Variants in SAFB observed in about 807,000 individuals in gnomAD.
The protein encoded by SAFB is scaffold attachment factor B1.
Under a neutral mutation model 101.6 loss-of-function variants are expected in SAFB, and 15 were observed. The observed-to-expected ratio is 0.15, with a 90% CI of 0.10 to 0.23. SAFB has a LOEUF of 0.23. Ranked by LOEUF, SAFB falls within the 10% of genes least tolerant of loss-of-function variation. The probability of loss-of-function intolerance (pLI) is 1.00; values close to 1 mark genes in which losing one functional copy is unlikely to be tolerated. For synonymous variants in SAFB, 449 were observed against 407.5 expected (o/e 1.10, Z -1.23); for missense variants, 930 against 1,104.1 (o/e 0.84, Z 2.23).
At chr19:5,653,996 C>T in intron 11 of SAFB, 65 bp from the exon 12 acceptor site, 2 of 1,520,778 alleles carry the variant, frequency 1.3e-6, no homozygotes, top group South Asian at 1.1e-5. Context: ...CCGCCTCATC[C>T]CCCCAAAGTG....
chr19:5,623,166 G>A lies in SAFB; in HGVS notation c.-40G>A, dbSNP rs1392249849. 24 of 1,547,736 alleles carry A rather than the reference G, an allele frequency of 1.6e-5. No individual in the cohort carries two copies. The South Asian group carries it at 2.6e-4, about 17-fold the overall frequency. ...GCTAGGAGCCTGATAAAACCGGCCC[G>A]GTTCTGTGGAAAGTGGGCGGCGGAG... On this transcript the variant is annotated 5_prime_UTR_variant, in exon 1 of 21. Transcript: ENST00000588852.
In SAFB at chr19:5,625,734, C is replaced by T. The variant is rs547637076; in HGVS notation, c.190-671C>T. Among the ~76,000 whole-genome samples the T allele has an allele frequency of 3.5e-4, 53 of 152,192 alleles. No individual in the cohort carries two copies. The East Asian group carries it at 8.7e-3, about 25-fold the overall frequency. ...CAGAGTCCTGGGGTGGGAGGCTGGG[C>T]GTGCCAAGAAATTCTTATAATTCAA... On this transcript the variant is annotated intron_variant, in intron 1 of 20. Coordinates refer to ENST00000588852, the MANE Select transcript of SAFB (RefSeq NM_001201338.2).
chr19:5,623,483 C>T, intron 1 of SAFB, 89 bp downstream of exon 1: 5 of 1,163,796 alleles, frequency 4.3e-6, no homozygotes, highest in Non-Finnish European at 5.9e-6. Flanking sequence ...CGTCCGCCCC[C>T]GGCCGCGTTC....
intron 2 of SAFB, among the ~76,000 whole-genome samples, chr19:5,633,958 C>T (rs891528903): frequency 1.3e-5 from 2 of 152,136 alleles, no homozygotes; most frequent in Admixed American, 6.5e-5. Flanking sequence ...AGAAAGGTGA[C>T]AAAGCCCTCA....
intron 1 of SAFB, among the ~76,000 whole-genome samples, chr19:5,624,260 C>T (rs1160056832): frequency 3.4e-5 from 5 of 149,230 alleles, no homozygotes. Context: ...AGCAAAAAAG[C>T]AATAGGACTT....
rs138715570 is a variant in SAFB, at chr19:5,625,057, G to A, written c.190-1348G>A. 1.2e-4 allele frequency among the ~76,000 whole-genome samples: 18 copies of A among 152,280 alleles called. No homozygotes were observed. The East Asian group carries it at 3.3e-3, about 28-fold the overall frequency. ...ACTCGCTGTCATCTCTGAGAGCACA[G>A]ATTTGTTCCTTCTTCCTTCTCCTTT... On this transcript the variant is annotated intron_variant, in intron 1 of 20. Coordinates refer to ENST00000588852, the MANE Select transcript of SAFB (RefSeq NM_001201338.2).
chr19:5,638,156 G>A (rs1222936296), intron 2 of SAFB, among the ~76,000 whole-genome samples: 1 of 152,152 alleles, frequency 6.6e-6, no homozygotes, highest in African/African-American at 2.4e-5. Flanking sequence ...TGTTGCAAAT[G>A]TTATAAATCA....
At chr19:5,666,964 G>C in intron 17 of SAFB, 82 bp from the exon 18 acceptor site, 1 of 858,346 alleles carries the variant, frequency 1.2e-6, no homozygotes, top group Middle Eastern at 3.0e-4. Flanking sequence ...CGTTGTCATC[G>C]TTAGCATGTT....
intron 15 of SAFB, among the ~76,000 whole-genome samples, chr19:5,662,643 C>CT (rs564198873): frequency 0.045 from 6,318 of 139,056 alleles, 257 homozygotes; most frequent in African/African-American, 0.1. Context: ...AGGCCCTTTC[C>CT]TTTTTTTTTT....
intron 5 of SAFB, among the ~76,000 whole-genome samples, chr19:5,645,844 G>A (rs954584978): frequency 6.6e-6 from 1 of 152,124 alleles, no homozygotes; most frequent in Non-Finnish European, 1.5e-5. Context: ...GGTCTCAGGG[G>A]TTCTGGTCTT....
At chr19:5,661,171 T>C (rs904474150) in intron 14 of SAFB, among the ~76,000 whole-genome samples, 2 of 152,052 alleles carry the variant, frequency 1.3e-5, no homozygotes, top group Non-Finnish European at 2.9e-5. Context: ...TCCACCCACC[T>C]CAGCCTCCCA....
intron 2 of SAFB, among the ~76,000 whole-genome samples, chr19:5,633,581 CA>C (rs1194504464): frequency 6.6e-6 from 1 of 152,086 alleles, no homozygotes; most frequent in Non-Finnish European, 1.5e-5. Flanking sequence ...AGATCGAGAC[CA>C]TCCTGGCTAA....
At chr19:5,660,528 T>A (rs2054173617) in intron 14 of SAFB, among the ~76,000 whole-genome samples, 1 of 150,704 alleles carries the variant, frequency 6.6e-6, no homozygotes. Context: ...GGAGACGGGG[T>A]CTCACTATAT....
chr19:5,660,992 A>G (rs2054188315), intron 14 of SAFB, among the ~76,000 whole-genome samples: 1 of 121,662 alleles, frequency 8.2e-6, no homozygotes, highest in Non-Finnish European at 1.6e-5. Flanking sequence ...GCAGTGGCTC[A>G]CTGCAACCTC....
chr19:5,654,308 G>C, intron 12 of SAFB, 60 bp from the exon 13 acceptor site: 1 of 1,590,184 alleles, frequency 6.3e-7, no homozygotes, highest in South Asian at 1.1e-5. Flanking sequence ...TGTTGCAGAG[G>C]GTTTTTCTCA....
intron 2 of SAFB, among the ~76,000 whole-genome samples, chr19:5,641,169 CCTT>C (rs2053704555): frequency 6.6e-6 from 1 of 152,132 alleles, no homozygotes. Flanking sequence ...CGCATCCGGC[CCTT>C]CTTTTTTCTT....
chr19:5,648,451 ATT>A (rs1398669247), intron 6 of SAFB: 229 of 281,742 alleles, frequency 8.1e-4, no homozygotes, highest in Middle Eastern at 5.0e-3. Flanking sequence ...AGGGAGATAC[ATT>A]TTAAAACATA....
rs2054385909 is a variant in SAFB at position 5,668,344 on chromosome 19, G to A, written c.*53G>A. Reference sequence around the variant, plus strand: ...TGGCAACAAGGCTATGTTCTGTTAGGAGTTACCTTAAACTGTGTAAAAATA... The same window carrying A: ...TGGCAACAAGGCTATGTTCTGTTAGAAGTTACCTTAAACTGTGTAAAAATA... On this transcript the variant is annotated 3_prime_UTR_variant, in exon 21 of 21. Transcript: ENST00000588852. 5 of 1,584,090 alleles carry A rather than the reference G, an allele frequency of 3.2e-6. No individual in the cohort carries two copies. The highest frequency in any genetic ancestry group is 4.3e-6 in the Non-Finnish European group (5 of 1,169,828).
intron 12 of SAFB, 30 bp from the exon 13 acceptor site, chr19:5,654,338 C>G (rs1224439482): frequency 6.3e-7 from 1 of 1,598,994 alleles, no homozygotes; most frequent in Non-Finnish European, 8.6e-7. Flanking sequence ...TCTTGGTTTT[C>G]CACTTACACT....
Sources: allele counts gnomAD v4.1 joint callset (sites outside exome capture counted in the v4.1 genomes callset), GRCh38; gene constraint gnomAD v4.1.1; transcripts MANE v1.5; gene names NCBI Gene and HGNC (gene_info 2026-07-23, HGNC 2026-07-21).